USP32: variants seen among roughly 807,000 people sequenced by gnomAD.
USP32 encodes ubiquitin specific peptidase 32.
USP32 carries 59 observed loss-of-function variants against 204.8 expected under a neutral mutation model. The observed-to-expected ratio is 0.29, with a 90% CI of 0.23 to 0.36. The LOEUF (loss-of-function observed/expected upper bound fraction) is 0.36, where lower values mean the gene tolerates loss of function less well. USP32 is among the 10% of genes least tolerant of loss of function. The pLI is 1.00. For synonymous variants in USP32, 517 were observed against 678.4 expected, an observed-to-expected ratio of 0.76 and a Z score of 3.70; for missense variants, 1,160 against 1,946.4, an observed-to-expected ratio of 0.60 and a Z score of 7.60.
intron 2 of USP32, among the ~76,000 whole-genome samples, chr17:60,315,286 G>C (rs1248876418): frequency 1.3e-5 from 2 of 152,114 alleles, no homozygotes; most frequent in Non-Finnish European, 2.9e-5. Flanking sequence ...TGTAGTCCCA[G>C]CTACTCAGGA....
At chr17:60,328,010 G>T (rs905083671) in intron 2 of USP32, among the ~76,000 whole-genome samples, 3 of 152,252 alleles carry the variant, frequency 2.0e-5, no homozygotes, top group Admixed American at 2.0e-4. Flanking sequence ...GAGCAGCCTG[G>T]GAGCCATGGA....
intron 6 of USP32, 73 bp from the exon 7 acceptor site, chr17:60,269,630 G>A: frequency 3.9e-6 from 5 of 1,275,600 alleles, no homozygotes; most frequent in Non-Finnish European, 4.3e-6. Context: ...TTTACAAAAG[G>A]AGGAATGACT....
chr17:60,392,012 G>T lies in USP32; in HGVS notation c.-73C>A. ...ACCCCCCTCCCGCCTTCTCCTCGGC[G>T]TCCCTGGGTGACGGTGACGGTGTCG... On this transcript the variant is annotated 5_prime_UTR_variant, in exon 1 of 34. Coordinates refer to ENST00000300896, the MANE Select transcript of USP32 (RefSeq NM_032582.4). 6.7e-7 allele frequency: 1 copy of T among 1,488,548 alleles called. No individual in the cohort carries two copies. The highest frequency in any genetic ancestry group is 9.0e-7 in the Non-Finnish European group (1 of 1,108,660). The allele number at this position is 1,488,548 out of a possible 1,614,324, so 92.2% of individuals were successfully genotyped here.
At chr17:60,252,354 A>G (rs774560359) in intron 11 of USP32, 27 bp downstream of exon 11, 2 of 1,569,998 alleles carry the variant, frequency 1.3e-6, no homozygotes, top group Admixed American at 3.4e-5. Flanking sequence ...TGAAATTTCA[A>G]CTATATAATT....
At chr17:60,365,367 G>A (rs58173432) in intron 1 of USP32, among the ~76,000 whole-genome samples, 5,293 of 152,044 alleles carry the variant, frequency 0.035, 316 homozygotes, top group African/African-American at 0.12. Context: ...TGTAATCCCA[G>A]CTACTCAGGA....
At chr17:60,242,515 A>T (rs2085906305) in intron 11 of USP32, among the ~76,000 whole-genome samples, 2 of 152,058 alleles carry the variant, frequency 1.3e-5, no homozygotes, top group Admixed American at 1.3e-4. Flanking sequence ...GGCTCAAGTG[A>T]TTCTCCTGCC....
intron 1 of USP32, among the ~76,000 whole-genome samples, chr17:60,354,570 T>C (rs1177784966): frequency 6.6e-6 from 1 of 152,020 alleles, no homozygotes; most frequent in Admixed American, 6.6e-5. Context: ...TGATCTGAAG[T>C]AAATTAACCT....
chr17:60,269,413 T>A, intron 7 of USP32, 37 bp downstream of exon 7: 1 of 1,503,670 alleles, frequency 6.7e-7, no homozygotes, highest in Non-Finnish European at 9.2e-7. Flanking sequence ...TCTCTCTACA[T>A]AGTTTGCAAT....
At chr17:60,255,118 A>G in intron 10 of USP32, 57 bp downstream of exon 10, 1 of 1,282,956 alleles carries the variant, frequency 7.8e-7, no homozygotes, top group Non-Finnish European at 1.1e-6. Context: ...ATGATGGAAA[A>G]GATGTAGAAG....
At chr17:60,245,280 T>G (rs112859416) in intron 11 of USP32, 1 of 268,896 alleles carries the variant, frequency 3.7e-6, no homozygotes, top group Non-Finnish European at 7.1e-6. Context: ...AACATGCATA[T>G]GAGCTGTCTA....
At chr17:60,303,523 C>T (rs1385579642) in intron 2 of USP32, among the ~76,000 whole-genome samples, 1 of 151,308 alleles carries the variant, frequency 6.6e-6, no homozygotes, top group Non-Finnish European at 1.5e-5. Context: ...AGAAAGAGCC[C>T]TAACCCCTAA....
intron 1 of USP32, among the ~76,000 whole-genome samples, chr17:60,409,104 T>C (rs2089999463): frequency 6.6e-6 from 1 of 152,138 alleles, no homozygotes; most frequent in African/African-American, 2.4e-5. Flanking sequence ...TCCCAGCACT[T>C]TGGGAGGCCG....
At chr17:60,289,634 C>T (rs755127018) in intron 4 of USP32, among the ~76,000 whole-genome samples, 4 of 152,128 alleles carry the variant, frequency 2.6e-5, no homozygotes, top group Non-Finnish European at 4.4e-5. Context: ...AAAAGAGCAT[C>T]ATATGGTTGT....
chr17:60,320,995 C>G (rs187772291), intron 2 of USP32, among the ~76,000 whole-genome samples: 6 of 152,212 alleles, frequency 3.9e-5, no homozygotes, highest in Non-Finnish European at 7.4e-5. Flanking sequence ...TACAGCTTGG[C>G]TCCGGATACA....
At chr17:60,342,883 G>T (rs1331593586) in intron 2 of USP32, among the ~76,000 whole-genome samples, 1 of 152,190 alleles carries the variant, frequency 6.6e-6, no homozygotes, top group Non-Finnish European at 1.5e-5. Flanking sequence ...CGCTTCCTGG[G>T]TGAGGCAACG....
At chr17:60,192,959 A>G in intron 27 of USP32, 29 bp from the exon 28 acceptor site, 1 of 1,611,612 alleles carries the variant, frequency 6.2e-7, no homozygotes, top group Non-Finnish European at 8.5e-7. Flanking sequence ...AAAAGAGTGT[A>G]AGAAGCATTT....
At chr17:60,347,949 C>T (rs987859015) in intron 1 of USP32, among the ~76,000 whole-genome samples, 3 of 151,690 alleles carry the variant, frequency 2.0e-5, no homozygotes, top group Non-Finnish European at 4.4e-5. Context: ...AATGAAACCC[C>T]GTCTCTACTA....
At chr17:60,202,443 T>TCACACACACACACACA (rs377613629) in intron 26 of USP32, among the ~76,000 whole-genome samples, 31 of 140,742 alleles carry the variant, frequency 2.2e-4, no homozygotes, top group Non-Finnish European at 3.4e-4. Flanking sequence ...GCTTATCAAA[T>TCACACACACACACACA]CACACACACA....
intron 1 of USP32, among the ~76,000 whole-genome samples, chr17:60,362,958 A>G (rs2089239117): frequency 6.6e-6 from 1 of 152,052 alleles, no homozygotes; most frequent in Non-Finnish European, 1.5e-5. Context: ...AATAAGATTA[A>G]TAATAAATGT....
Sources: gnomAD v4.1 joint callset for allele counts (sites outside exome capture counted in the v4.1 genomes callset) on GRCh38, gnomAD v4.1.1 for gene constraint, MANE v1.5 for transcripts, NCBI Gene and HGNC (gene_info 2026-07-23, HGNC 2026-07-21) for gene names.